TMTC2: variants seen among roughly 807,000 people sequenced by gnomAD.
TMTC2 encodes the protein protein O-mannosyl-transferase TMTC2.
A neutral mutation model predicts 82.4 loss-of-function variants in TMTC2; 43 were observed. The ratio of observed to expected loss-of-function variants is 0.52; its 90% CI spans 0.41 to 0.67. The LOEUF is 0.67. Among genes scored for constraint, TMTC2 ranks in the 30% least tolerant of loss-of-function variants. The pLI is 0.00. For synonymous variants in TMTC2, 408 were observed against 381.9 expected, an observed-to-expected ratio of 1.07 and a Z score of -0.80; for missense variants, 919 against 1,012.4, an observed-to-expected ratio of 0.91 and a Z score of 1.25.
chr12:82,822,346 T>A (rs188172924), intron 1 of TMTC2, among the ~76,000 whole-genome samples: 1 of 152,158 alleles, frequency 6.6e-6, no homozygotes, highest in Admixed American at 6.5e-5. Flanking sequence ...TTTTAACAAA[T>A]GTACCACTAT....
chr12:82,815,165 C>CTT (rs773702402), intron 1 of TMTC2, among the ~76,000 whole-genome samples: 1,489 of 142,060 alleles, frequency 0.01, 27 homozygotes, highest in African/African-American at 0.037. Context: ...TTCTTTTATT[C>CTT]TTTTTTTTTT....
At chr12:83,001,690 G>A (rs7487579) in intron 8 of TMTC2, among the ~76,000 whole-genome samples, 114,394 of 149,210 alleles carry the variant, frequency 0.77, 45,361 homozygotes, top group South Asian at 0.93. Context: ...CCAGATACCC[G>A]AAGTCATCTC....
chr12:83,004,140 C>T (rs979183081), intron 8 of TMTC2, among the ~76,000 whole-genome samples: 6 of 152,190 alleles, frequency 3.9e-5, no homozygotes, highest in African/African-American at 1.2e-4. Flanking sequence ...AGATTCTTTG[C>T]TCAGCTTGCC....
chr12:82,872,613 A>G (rs1872260448), intron 2 of TMTC2, among the ~76,000 whole-genome samples: 1 of 152,174 alleles, frequency 6.6e-6, no homozygotes, highest in African/African-American at 2.4e-5. Flanking sequence ...TAATTCAGAT[A>G]AATTTTTTTC....
intron 3 of TMTC2, among the ~76,000 whole-genome samples, chr12:82,907,785 T>G (rs1874404250): frequency 6.6e-6 from 1 of 152,268 alleles, no homozygotes; most frequent in African/African-American, 2.4e-5. Context: ...AGCATGAAGG[T>G]AAATTTTTCT....
intron 7 of TMTC2, among the ~76,000 whole-genome samples, chr12:82,984,561 G>A (rs939385200): frequency 1.3e-5 from 2 of 151,970 alleles, no homozygotes; most frequent in East Asian, 1.9e-4. Flanking sequence ...CTCTGATTAC[G>A]CCTCTAAAAG....
At chr12:82,997,637 G>T (rs1009292727) in intron 8 of TMTC2, among the ~76,000 whole-genome samples, 2 of 150,930 alleles carry the variant, frequency 1.3e-5, no homozygotes, top group African/African-American at 2.4e-5. Flanking sequence ...ATTTAAGAAT[G>T]CCAAGAAGAT....
chr12:82,971,376 A>G (rs1878439226), intron 7 of TMTC2, among the ~76,000 whole-genome samples: 1 of 152,144 alleles, frequency 6.6e-6, no homozygotes, highest in African/African-American at 2.4e-5. Context: ...AAACAGCTGC[A>G]AAGTACATTG....
intron 1 of TMTC2, among the ~76,000 whole-genome samples, chr12:82,798,523 T>C (rs1218981387): frequency 1.4e-5 from 2 of 142,714 alleles, no homozygotes; most frequent in African/African-American, 5.2e-5. Context: ...TGTAAAGACT[T>C]GGCCGGTTGC....
At chr12:82,949,360 G>A (rs1431956609) in intron 4 of TMTC2, among the ~76,000 whole-genome samples, 1 of 152,160 alleles carries the variant, frequency 6.6e-6, no homozygotes, top group Non-Finnish European at 1.5e-5. Context: ...TTCTCCCAGA[G>A]GATGAAGGAA....
intron 1 of TMTC2, among the ~76,000 whole-genome samples, chr12:82,832,084 T>G (rs917943712): frequency 6.6e-6 from 1 of 152,320 alleles, no homozygotes; most frequent in Admixed American, 6.5e-5. Flanking sequence ...ATTACCATTT[T>G]GAAGTGATCT....
intron 8 of TMTC2, among the ~76,000 whole-genome samples, chr12:83,024,097 T>C (rs982658033): frequency 1.1e-4 from 16 of 152,164 alleles, no homozygotes; most frequent in Admixed American, 5.2e-4. Context: ...AAGAGAGGAT[T>C]TGAAATGTTT....
At chr12:82,752,930 CT>C (rs1876095520) in intron 1 of TMTC2, among the ~76,000 whole-genome samples, 1 of 152,036 alleles carries the variant, frequency 6.6e-6, no homozygotes, top group Non-Finnish European at 1.5e-5. Flanking sequence ...CACTGTCTTG[CT>C]TTTATTAGAC....
At chr12:82,947,701 G>T (rs894889644) in intron 4 of TMTC2, among the ~76,000 whole-genome samples, 1 of 152,078 alleles carries the variant, frequency 6.6e-6, no homozygotes, top group Non-Finnish European at 1.5e-5. Context: ...CATTTCTTAC[G>T]CCCTGTTTTT....
chr12:83,054,734 T>C (rs905832347), intron 10 of TMTC2, among the ~76,000 whole-genome samples: 48 of 151,690 alleles, frequency 3.2e-4, no homozygotes, highest in African/African-American at 1.2e-3. Context: ...TGTGTATATG[T>C]AAATGTTAAT....
At chr12:82,726,676 A>C (rs192054296) in intron 1 of TMTC2, among the ~76,000 whole-genome samples, 5 of 152,154 alleles carry the variant, frequency 3.3e-5, no homozygotes, top group East Asian at 3.9e-4. Flanking sequence ...GTCAAGAGAT[A>C]GAGACCATCC....
At chr12:82,812,317 G>A (rs1159377042) in intron 1 of TMTC2, among the ~76,000 whole-genome samples, 1 of 151,974 alleles carries the variant, frequency 6.6e-6, no homozygotes, top group Non-Finnish European at 1.5e-5. Context: ...TATTGAGATT[G>A]ATTCATGAAA....
chr12:82,711,145 A>G (rs1185268240), intron 1 of TMTC2, among the ~76,000 whole-genome samples: 1 of 152,206 alleles, frequency 6.6e-6, no homozygotes, highest in Admixed American at 6.5e-5. Flanking sequence ...GGAGTATAGA[A>G]ATAAAAGATT....
At chr12:82,754,085 A>G (rs761114748) in intron 1 of TMTC2, among the ~76,000 whole-genome samples, 2 of 152,210 alleles carry the variant, frequency 1.3e-5, no homozygotes, top group African/African-American at 2.4e-5. Context: ...AGATACCCCA[A>G]AGAAATGATA....
Sources: allele counts gnomAD v4.1 joint callset (sites outside exome capture counted in the v4.1 genomes callset), GRCh38; gene constraint gnomAD v4.1.1; transcripts MANE v1.5; gene names NCBI Gene and HGNC (gene_info 2026-07-23, HGNC 2026-07-21).